Variants in PRAMEF11 observed in about 807,000 individuals in gnomAD.
PRAMEF11 encodes the protein PRAME family member 11.
Under a neutral mutation model 33.6 loss-of-function variants are expected in PRAMEF11, and 17 were observed. The observed-to-expected ratio is 0.51, with a 90% CI of 0.35 to 0.76. PRAMEF11 has a LOEUF of 0.76. PRAMEF11 is among the 30% of genes least tolerant of loss of function. PRAMEF11 has a pLI of 0.01. For missense variants in PRAMEF11, 568 were observed against 567.0 expected (o/e 1.00, Z -0.02); for synonymous variants, 205 against 227.3 (o/e 0.90, Z 0.88).
Position 12,825,166 on chromosome 1 carries a change from T to C in PRAMEF11, c.1213A>G (p.Ile405Val). The C allele has an allele frequency of 6.2e-7, 1 of 1,608,664 alleles. No individual in the cohort carries two copies. The highest frequency in any genetic ancestry group is 1.3e-5 in the African/African-American group (1 of 74,710). ...ATLENLLSHTIILKNLCLELY... is the reference protein window; with the variant it reads ...ATLENLLSHTVILKNLCLELY... The stretch of plus-strand genomic sequence containing the variant: ...TCCAGGCATAAGTTTTTGAGTATGA[T>C]TGTGTGGCTCAGCAGGTTCTCCAGG... The change falls in exon 4 of 4, where the codon ATC (isoleucine) becomes GTC (valine). Residue 405 changes from isoleucine to valine, a missense_variant. Physicochemically the swap from Ile to Val is conservative, Grantham distance 29 (BLOSUM62 3). Coordinates refer to ENST00000619922, the MANE Select transcript of PRAMEF11 (RefSeq NM_001146344.3).
chr1:12,829,617 C>A (rs1368363941), intron 1 of PRAMEF11, among the ~76,000 whole-genome samples: 1 of 151,358 alleles, frequency 6.6e-6, no homozygotes, highest in African/African-American at 2.4e-5. Flanking sequence ...GCTATGTTGT[C>A]CAAGCTGGTC....
chr1:12,829,943 T>G (rs571031663), intron 1 of PRAMEF11, among the ~76,000 whole-genome samples: 3 of 151,496 alleles, frequency 2.0e-5, no homozygotes, highest in African/African-American at 7.2e-5. Context: ...ATTTCTGACT[T>G]TCTTAAATAT....
rs774355147 is a variant in PRAMEF11 at position 12,825,168 on chromosome 1, G to T, written c.1211C>A (p.Thr404Lys). The T allele has an allele frequency of 2.9e-5, 46 of 1,608,620 alleles. 3 individuals carry two copies. The highest frequency in any genetic ancestry group is 3.3e-5 in the Non-Finnish European group (39 of 1,177,736). ...CAGGCATAAGTTTTTGAGTATGATT[G>T]TGTGGCTCAGCAGGTTCTCCAGGGT... Reference protein sequence around the residue: ...MATLENLLSHTIILKNLCLEL... With the variant: ...MATLENLLSHKIILKNLCLEL... The change falls in exon 4 of 4, where the codon ACA (threonine) becomes AAA (lysine). Residue 404 changes from threonine (T) to lysine (K), a missense_variant. Physicochemically the swap from Thr to Lys is moderately conservative, Grantham distance 78. Transcript: ENST00000619922.
At chr1:12,826,838 C>G (rs1360497217) in intron 3 of PRAMEF11, among the ~76,000 whole-genome samples, 1 of 151,208 alleles carries the variant, frequency 6.6e-6, no homozygotes, top group Non-Finnish European at 1.5e-5. Flanking sequence ...GTTACCCAGA[C>G]TGCTCTTAAA....
chr1:12,826,756 C>G (rs202149797), intron 3 of PRAMEF11, among the ~76,000 whole-genome samples: 1 of 149,212 alleles, frequency 6.7e-6, no homozygotes, highest in Non-Finnish European at 1.5e-5. Flanking sequence ...AAGTGAAAAT[C>G]CATCTCAGAA....
intron 2 of PRAMEF11, 131 bp from the exon 3 acceptor site, chr1:12,827,961 C>T (rs1639911762): frequency 4.7e-6 from 7 of 1,503,782 alleles, no homozygotes; most frequent in East Asian, 2.3e-5. Flanking sequence ...CCCTGTTTTC[C>T]CCTTGGATCC....
chr1:12,827,892 A>G (rs1639909731), intron 2 of PRAMEF11, 62 bp from the exon 3 acceptor site: 1 of 1,598,570 alleles, frequency 6.3e-7, no homozygotes, highest in Non-Finnish European at 8.5e-7. Context: ...TAAACTCCAC[A>G]TCCTGCATAG....
Position 12,828,616 on chromosome 1 carries a change from C to T in PRAMEF11, c.174G>A (p.Val58=), listed in dbSNP as rs75716392. ...GGAGGCGGCGGAAGGGCCAGGCCTGCACCATCAGCTTCAGGGCCTCACAGC... is the reference window on the plus strand; with the variant it reads ...GGAGGCGGCGGAAGGGCCAGGCCTGTACCATCAGCTTCAGGGCCTCACAGC... The part of the protein sequence containing the change: ...RRRCEALKLM[V]QAWPFRRLPL... Residue 58 remains valine, a synonymous_variant, in exon 2 of 4, where the codon GTG becomes GTA. Transcript: ENST00000619922. 13 of 1,604,186 alleles carry T rather than the reference C, an allele frequency of 8.1e-6. No individual in the cohort carries two copies. In the African/African-American group the frequency reaches 1.1e-4, roughly 13 times the overall value.
Position 12,829,094 on chromosome 1 carries a change from C to A in PRAMEF11, c.-16-289G>T, listed in dbSNP as rs554951912. Among the ~76,000 whole-genome samples, 7 of 151,554 alleles carry A rather than the reference C, an allele frequency of 4.6e-5. No homozygotes were observed. In the East Asian group the frequency reaches 1.2e-3, roughly 26 times the overall value. On this transcript the variant is annotated intron_variant, in intron 1 of 3. Transcript: ENST00000619922. ...GGAGGAACCTGAAAGTGAACCCCTC[C>A]TACCATTGGGGGAAATTATTAATTA...
rs1639828203 is a variant in PRAMEF11, at chr1:12,825,104, A to G, written c.1275T>C (p.Asp425=). 2 of 1,609,530 alleles carry G rather than the reference A, an allele frequency of 1.2e-6. No homozygotes were observed. The highest frequency in any genetic ancestry group is 8.5e-7 in the Non-Finnish European group (1 of 1,177,760). Residue 425 remains aspartate, a synonymous_variant, in exon 4 of 4, where the codon GAT becomes GAC. Coordinates refer to ENST00000619922, the MANE Select transcript of PRAMEF11 (RefSeq NM_001146344.3). ...CAAATCTGCTCCAGCAGAGAGTACCATCAGCACCATAACTTTCCTGCGGGG... is the reference window on the plus strand; with the variant it reads ...CAAATCTGCTCCAGCAGAGAGTACCGTCAGCACCATAACTTTCCTGCGGGG... The part of the protein sequence containing the change: ...YPAPQESYGA[D]GTLCWSRFAQ...
rs1268682642 is a variant in PRAMEF11, at chr1:12,830,151, T to C, written c.-17+1205A>G. ...GAAAGAAAGAAAACTTGAAAGTATCTTTGTTGAGGGATCCTTGGCCATGTC... is the reference window on the plus strand; with the variant it reads ...GAAAGAAAGAAAACTTGAAAGTATCCTTGTTGAGGGATCCTTGGCCATGTC... On this transcript the variant is annotated intron_variant, in intron 1 of 3. Transcript: ENST00000619922. Among the ~76,000 whole-genome samples, 14 of 151,452 alleles carry C rather than the reference T, an allele frequency of 9.2e-5. 1 individual carries two copies. In the East Asian group the frequency reaches 2.7e-3, roughly 30 times the overall value.
intron 1 of PRAMEF11, among the ~76,000 whole-genome samples, chr1:12,830,415 G>A (rs5016225): frequency 3.1e-3 from 425 of 137,384 alleles, no homozygotes; most frequent in East Asian, 7.7e-3. Context: ...AGCCTTCCAC[G>A]TAGCTGGGAC....
chr1:12,829,986 A>G (rs200086387), intron 1 of PRAMEF11, among the ~76,000 whole-genome samples: 1 of 151,148 alleles, frequency 6.6e-6, no homozygotes. Context: ...ATCCATCAAA[A>G]TGAAAGATTT....
rs573362713 is a variant in PRAMEF11, at chr1:12,829,964, A to T, written c.-16-1159T>A. On this transcript the variant is annotated intron_variant, in intron 1 of 3. Coordinates refer to ENST00000619922, the MANE Select transcript of PRAMEF11 (RefSeq NM_001146344.3). ...GACTTTCTTAAATATTAACTGATCGAATTAGATATTCATCCATCAAAATGA... is the reference window on the plus strand; with the variant it reads ...GACTTTCTTAAATATTAACTGATCGTATTAGATATTCATCCATCAAAATGA... Among the ~76,000 whole-genome samples, 17 of 151,536 alleles carry T rather than the reference A, an allele frequency of 1.1e-4. 1 individual carries two copies. The East Asian group carries it at 3.1e-3, about 28-fold the overall frequency.
intron 3 of PRAMEF11, 126 bp downstream of exon 3, chr1:12,827,123 C>T (rs4989234): frequency 7.1e-5 from 111 of 1,559,406 alleles, no homozygotes; most frequent in Non-Finnish European, 8.6e-5. Context: ...CAGGACAATG[C>T]ATGGACATTC....
chr1:12,827,670 A>T lies in PRAMEF11; in HGVS notation c.454T>A (p.Phe152Ile). 1 of 1,609,642 alleles carries T rather than the reference A, an allele frequency of 6.2e-7. No individual in the cohort carries two copies. The highest frequency in any genetic ancestry group is 8.5e-7 in the Non-Finnish European group (1 of 1,177,708). ...RMRGRQPLTVFVELWLKNRTL... is the reference protein window; with the variant it reads ...RMRGRQPLTVIVELWLKNRTL... ...CTGTTCTTGAGCCAAAGTTCTACAA[A>T]CACAGTCAAGGGCTGCCGTCCTCTC... Residue 152 changes from phenylalanine (F) to isoleucine (I), a missense_variant, in exon 3 of 4, where the codon TTT becomes ATT. Physicochemically the swap from Phe to Ile is conservative, Grantham distance 21. Transcript: ENST00000619922.
At chr1:12,831,245 A>G (rs1315142221) in intron 1 of PRAMEF11, 111 bp downstream of exon 1, 2 of 151,132 alleles carry the variant, frequency 1.3e-5, no homozygotes, top group Non-Finnish European at 3.0e-5. Context: ...TCATATGAGA[A>G]AAAAAAAGGA....
intron 1 of PRAMEF11, 42 bp from the exon 2 acceptor site, chr1:12,828,847 C>T: frequency 6.8e-7 from 1 of 1,476,562 alleles, no homozygotes; most frequent in Non-Finnish European, 9.3e-7. Flanking sequence ...CACTCTCAGG[C>T]CAAGCCCATG....
rs765940719 is a variant in PRAMEF11 at position 12,825,389 on chromosome 1, C to T, written c.990G>A (p.Leu330=). The part of the protein sequence containing the change: ...PSISQLKTLD[L]SGIRLTNYSL... ...TGTAATTGGTCAGTCTGATGCCACTCAGGTCCAGGGTCTTTAGTTGACTGA... is the reference window on the plus strand; with the variant it reads ...TGTAATTGGTCAGTCTGATGCCACTTAGGTCCAGGGTCTTTAGTTGACTGA... Residue 330 remains leucine (L), a synonymous_variant, in exon 4 of 4, where the codon CTG becomes CTA. Coordinates refer to ENST00000619922, the MANE Select transcript of PRAMEF11 (RefSeq NM_001146344.3). 2 of 1,422,862 alleles carry T rather than the reference C, an allele frequency of 1.4e-6. No homozygotes were observed. The highest frequency in any genetic ancestry group is 1.9e-6 in the Non-Finnish European group (2 of 1,034,012). The allele number at this position is 1,422,862 out of a possible 1,614,324, so 88.1% of individuals were successfully genotyped here.
Sources: gnomAD v4.1 joint callset for allele counts (sites outside exome capture counted in the v4.1 genomes callset) on GRCh38, gnomAD v4.1.1 for gene constraint, MANE v1.5 for transcripts, NCBI Gene and HGNC (gene_info 2026-07-23, HGNC 2026-07-21) for gene names.